TECPR2: variants seen among roughly 807,000 people sequenced by gnomAD.
TECPR2 encodes the protein tectonin beta-propeller repeat containing 2.
Under a neutral mutation model 138.1 loss-of-function variants are expected in TECPR2, and 65 were observed. The ratio of observed to expected loss-of-function variants is 0.47; its 90% CI spans 0.39 to 0.58. The LOEUF is 0.58. Among genes scored for constraint, TECPR2 ranks in the 20% least tolerant of loss-of-function variants. The probability of loss-of-function intolerance (pLI) is 0.00; values close to 1 mark genes in which losing one functional copy is unlikely to be tolerated. For missense variants in TECPR2, 1,553 were observed against 1,824.5 expected (o/e 0.85, Z 2.71); for synonymous variants, 746 against 749.8 (o/e 0.99, Z 0.08).
intron 8 of TECPR2, 58 bp downstream of exon 8, chr14:102,432,186 G>A (rs536987727): frequency 2.4e-5 from 34 of 1,422,096 alleles, no homozygotes; most frequent in Non-Finnish European, 2.9e-5. Context: ...AGATTCTCTG[G>A]GAGTGCTGCT....
Position 102,458,897 on chromosome 14 carries a change from C to T in TECPR2, c.3641-6244C>T, listed in dbSNP as rs77301918. ...GGCTGAGGCAGGAGGATTGCTTGAG[C>T]CTGGGAAGCTGAGCCTAATCTAGGC... On this transcript the variant is annotated intron_variant, in intron 16 of 19. Transcript: ENST00000359520. Among the ~76,000 whole-genome samples the T allele has an allele frequency of 7.5e-4, 113 of 149,968 alleles. 4 individuals carry two copies. In the East Asian group the frequency reaches 0.018, roughly 24 times the overall value.
At chr14:102,416,758 C>T (rs191005509) in intron 5 of TECPR2, among the ~76,000 whole-genome samples, 22 of 152,192 alleles carry the variant, frequency 1.4e-4, no homozygotes, top group African/African-American at 3.6e-4. Flanking sequence ...CCAAGGTGGG[C>T]GGGTCACTTG....
At chr14:102,498,022 C>CGCCCAAGCTCCCAGCACCATCTGT in intron 19 of TECPR2, 81 bp from the exon 20 acceptor site, 3 of 1,510,188 alleles carry the variant, frequency 2.0e-6, no homozygotes, top group Non-Finnish European at 2.7e-6. Context: ...CCCAGACCTG[C>CGCCCAAGCTCCCAGCACCATCTGT]GCCCAAGCTC....
chr14:102,459,461 G>A (rs971512336), intron 16 of TECPR2, among the ~76,000 whole-genome samples: 1 of 152,156 alleles, frequency 6.6e-6, no homozygotes, highest in Non-Finnish European at 1.5e-5. Context: ...CCTTCCCAGG[G>A]CATGAGGCAG....
Position 102,434,629 on chromosome 14 carries a change from A to G in TECPR2, c.1812A>G (p.Ala604=). 1 of 1,592,274 alleles carries G rather than the reference A, an allele frequency of 6.3e-7. No individual in the cohort carries two copies. Among genetic ancestry groups the G allele is most frequent in the Non-Finnish European group, 8.6e-7 (1 of 1,165,570 alleles). ...GACTCGGAGATGAGCCGTGTCCTGC[A>G]GATGATGGACCAAATAGCACACAGT... ...VTGLGDEPCP[A]DDGPNSTQLP... The change falls in exon 9 of 20, where the codon GCA becomes GCG. Residue 604 remains alanine (A), a synonymous_variant. Coordinates refer to ENST00000359520, the MANE Select transcript of TECPR2 (RefSeq NM_014844.5).
intron 12 of TECPR2, among the ~76,000 whole-genome samples, chr14:102,445,447 G>T (rs1889948184): frequency 6.6e-6 from 1 of 151,646 alleles, no homozygotes; most frequent in African/African-American, 2.4e-5. Context: ...AGAGATGGAG[G>T]CACTCAGGGG....
At chr14:102,483,812 T>G (rs1198414599) in intron 17 of TECPR2, among the ~76,000 whole-genome samples, 2 of 93,520 alleles carry the variant, frequency 2.1e-5, no homozygotes, top group African/African-American at 9.5e-5. Flanking sequence ...TTTTTTTTTT[T>G]GAGTTGGTGT....
chr14:102,376,337 CTT>C lies in TECPR2; in HGVS notation c.-72-310_-72-309del, dbSNP rs572689368. 1.4e-4 allele frequency among the ~76,000 whole-genome samples: 21 copies of C among 152,316 alleles called. No homozygotes were observed. In the East Asian group the frequency reaches 4.1e-3, roughly 29 times the overall value. On this transcript the variant is annotated intron_variant, in intron 1 of 19. Coordinates refer to ENST00000359520, the MANE Select transcript of TECPR2 (RefSeq NM_014844.5). ...CACCTCATTACTTGTGGATTTGTGT[CTT>C]TTCACTATTTCATCTGCCTCCCTGT...
In TECPR2 at chr14:102,419,002, G is replaced by T. The variant is rs1889102370; in HGVS notation, c.638+4209G>T. 6.6e-6 allele frequency among the ~76,000 whole-genome samples: 1 copy of T among 152,124 alleles called. No individual in the cohort carries two copies. Among genetic ancestry groups the T allele is most frequent in the African/African-American group, 2.4e-5 (1 of 41,422 alleles). On this transcript the variant is annotated intron_variant, in intron 5 of 19. Transcript: ENST00000359520. The surrounding 1 kb of genome is among the most constrained non-coding windows in gnomAD (Gnocchi z 4.8). ...TGTGGCCCCGCCATGTCCTCTCCCT[G>T]CAGTGGAGAGCTGGCGTGGGAGGCG...
intron 9 of TECPR2, chr14:102,436,921 A>C: frequency 1.1e-6 from 1 of 895,890 alleles, no homozygotes; most frequent in Non-Finnish European, 1.3e-6. Flanking sequence ...GGGGTGGGGT[A>C]TTGGAATTCT....
chr14:102,363,288 C>T (rs1252524961), intron 1 of TECPR2, among the ~76,000 whole-genome samples, 172 bp downstream of exon 1: 1 of 152,166 alleles, frequency 6.6e-6, no homozygotes, highest in Non-Finnish European at 1.5e-5. Context: ...CGCGGAGTGG[C>T]GGACACTAAA....
chr14:102,372,429 G>A (rs1887529837), intron 1 of TECPR2, among the ~76,000 whole-genome samples: 1 of 152,008 alleles, frequency 6.6e-6, no homozygotes, highest in African/African-American at 2.4e-5. Context: ...CCACGCCCAG[G>A]TAATTTTGTA....
At position 102,499,511 on chromosome 14, in the gene TECPR2, G is replaced by C; in HGVS notation, c.*1254G>C. 1 of 453,316 alleles carries C rather than the reference G, an allele frequency of 2.2e-6. No individual in the cohort carries two copies. The highest frequency in any genetic ancestry group is 4.0e-6 in the Non-Finnish European group (1 of 249,308). 28.1% of individuals were successfully genotyped at this position (453,316 alleles called of 1,614,324 possible). A position where few individuals can be genotyped will look rare whatever the true frequency, so the allele number is the denominator to read the frequency against. On this transcript the variant is annotated 3_prime_UTR_variant, in exon 20 of 20. Transcript: ENST00000359520. ...CCCGCACAGACTTGACTGGCAGGGC[G>C]GTCACGGGACCTGCGGGCTGGCTCC...
intron 17 of TECPR2, among the ~76,000 whole-genome samples, chr14:102,482,888 G>A (rs1890925768): frequency 7.4e-6 from 1 of 135,356 alleles, no homozygotes; most frequent in Non-Finnish European, 1.5e-5. Context: ...CTGTCGCCCA[G>A]GCTGGAGTGC....
chr14:102,412,333 A>G (rs1272586182), intron 4 of TECPR2, among the ~76,000 whole-genome samples: 1 of 152,042 alleles, frequency 6.6e-6, no homozygotes, highest in African/African-American at 2.4e-5. Flanking sequence ...GGGCTTCGCC[A>G]TGTTGCACAG....
chr14:102,493,139 T>C (rs1891193665), intron 17 of TECPR2, among the ~76,000 whole-genome samples: 1 of 152,194 alleles, frequency 6.6e-6, no homozygotes, highest in Non-Finnish European at 1.5e-5. Flanking sequence ...TCCTCCTCTC[T>C]CCATCATTCC....
At chr14:102,406,135 G>A (rs1040036466) in intron 2 of TECPR2, among the ~76,000 whole-genome samples, 4 of 152,186 alleles carry the variant, frequency 2.6e-5, no homozygotes, top group African/African-American at 9.7e-5. Flanking sequence ...TTAAATATTC[G>A]TGGAGATGGA....
At position 102,499,218 on chromosome 14, in the gene TECPR2, C is replaced by T. The variant is rs1891381667; in HGVS notation, c.*961C>T. On this transcript the variant is annotated 3_prime_UTR_variant, in exon 20 of 20. Coordinates refer to ENST00000359520, the MANE Select transcript of TECPR2 (RefSeq NM_014844.5). ...GGGCGTGGGGGAGCTGAGCAAGGGT[C>T]GCTCACTTAGAAATGTCTTTGGAAT... is the stretch of plus-strand genomic sequence containing the variant. 2 of 692,764 alleles carry T rather than the reference C, an allele frequency of 2.9e-6. No individual in the cohort carries two copies. The allele number at this position is 692,764 out of a possible 1,614,324, so 42.9% of individuals were successfully genotyped here. A position where few individuals can be genotyped will look rare whatever the true frequency, so the allele number is the denominator to read the frequency against.
chr14:102,367,304 A>G (rs1172412534), intron 1 of TECPR2, among the ~76,000 whole-genome samples: 3 of 152,160 alleles, frequency 2.0e-5, no homozygotes, highest in South Asian at 4.1e-4. Flanking sequence ...TTTATATACA[A>G]TTCAATGGTT....
Sources: allele counts gnomAD v4.1 joint callset (sites outside exome capture counted in the v4.1 genomes callset), GRCh38; gene constraint gnomAD v4.1.1; non-coding constraint Gnocchi (gnomAD v3.1); transcripts MANE v1.5; gene names NCBI Gene and HGNC (gene_info 2026-07-23, HGNC 2026-07-21).